ABCC11: variants seen among roughly 807,000 people sequenced by gnomAD.
The protein encoded by ABCC11 is ATP-binding cassette sub-family C member 11.
ABCC11 carries 135 observed loss-of-function variants against 149.3 expected under a neutral mutation model. The observed-to-expected ratio is 0.90, with a 90% CI of 0.79 to 1.04. The LOEUF is 1.04. ABCC11 is among the 50% of genes least tolerant of loss of function. The pLI is 0.00. For missense variants in ABCC11, 1,680 were observed against 1,722.1 expected (o/e 0.98, Z 0.43); for synonymous variants, 665 against 671.4 (o/e 0.99, Z 0.15).
At chr16:48,246,359 T>C (rs1971386294) in intron 1 of ABCC11, among the ~76,000 whole-genome samples, 2 of 152,224 alleles carry the variant, frequency 1.3e-5, no homozygotes, top group African/African-American at 4.8e-5. Context: ...TGCTTACTTT[T>C]CCCAAATTAT....
In ABCC11 at chr16:48,213,557, A is replaced by G; in HGVS notation, c.1249-7T>C. The G allele has an allele frequency of 6.2e-7, 1 of 1,604,698 alleles. No homozygotes were observed. The highest frequency in any genetic ancestry group is 2.3e-5 in the East Asian group (1 of 44,306). On this transcript the variant is annotated splice_polypyrimidine_tract_variant and splice_region_variant and intron_variant, in intron 9 of 29. Transcript: ENST00000356608. ...AGGCCAGCATGCTGAAGGCCTGGAT[A>G]AGAAGGGGAGGAGGTGGTGAGGGTC... is the stretch of plus-strand genomic sequence containing the variant.
intron 1 of ABCC11, among the ~76,000 whole-genome samples, chr16:48,243,401 CAA>C (rs541776018): frequency 0.015 from 1,125 of 72,762 alleles, 4 homozygotes; most frequent in African/African-American, 0.03. Flanking sequence ...GACTCCGTCT[CAA>C]AAAAAAAAAA....
At chr16:48,210,664 T>C in intron 11 of ABCC11, 1 of 417,078 alleles carries the variant, frequency 2.4e-6, no homozygotes, top group Non-Finnish European at 4.3e-6. Flanking sequence ...TCCTTTCCCT[T>C]CTCCTTTCTG....
intron 13 of ABCC11, among the ~76,000 whole-genome samples, chr16:48,204,536 G>A (rs913223676): frequency 2.0e-5 from 3 of 152,182 alleles, no homozygotes. Context: ...GGGGTGCAAG[G>A]TTTGGGTGAT....
rs200308896 is a variant in ABCC11 at position 48,215,038 on chromosome 16, T to TA, written c.1100-10dup. ...TTCCTTCCTTCTTAGGTCTGGGAAA[T>TA]AAAAAAGAAATACACCAAAGATAAC... On this transcript the variant is annotated splice_polypyrimidine_tract_variant and intron_variant, in intron 8 of 29. Transcript: ENST00000356608. 0.059 allele frequency: 94,584 copies of TA among 1,611,350 alleles called. 3,274 individuals are homozygous for TA. Among genetic ancestry groups the TA allele is most frequent in the Middle Eastern group, 0.13 (792 of 6,048 alleles).
Position 48,213,504 on chromosome 16 carries a change from A to G in ABCC11, c.1295T>C (p.Phe432Ser). The G allele has an allele frequency of 6.2e-7, 1 of 1,611,754 alleles. No homozygotes were observed. Among genetic ancestry groups the G allele is most frequent in the Admixed American group, 1.7e-5 (1 of 59,712 alleles). Residue 432 changes from phenylalanine to serine, a missense_variant, in exon 10 of 30, where the codon TTC (phenylalanine) becomes TCC (serine). Transcript: ENST00000356608. ...ACCTTTGACTGCAATAGGCACAAAGAACACTGACAGCCGAAGGAGATTCAA... is the reference window on the plus strand; with the variant it reads ...ACCTTTGACTGCAATAGGCACAAAGGACACTGACAGCCGAAGGAGATTCAA... ...ASLNLLRLSVFFVPIAVKGLT... is the reference protein window; with the variant it reads ...ASLNLLRLSVSFVPIAVKGLT...
intron 4 of ABCC11, among the ~76,000 whole-genome samples, chr16:48,226,182 T>A (rs1298609631): frequency 1.3e-5 from 2 of 151,848 alleles, no homozygotes; most frequent in African/African-American, 4.8e-5. Flanking sequence ...GTTCAAGCGA[T>A]TCTCTGTGTA....
chr16:48,210,261 C>T (rs1472002699), intron 11 of ABCC11: 14 of 152,078 alleles, frequency 9.2e-5, no homozygotes, highest in Non-Finnish European at 2.1e-4. Context: ...CCAGAAGATA[C>T]TTCAAGGCTA....
At chr16:48,165,184 G>C (rs1265305465), downstream of ABCC11, 1 of 152,572 alleles carries the variant, frequency 6.6e-6, no homozygotes, top group African/African-American at 2.4e-5. Context: ...AGAGGAAGGA[G>C]AGTCACCCTC....
intron 14 of ABCC11, among the ~76,000 whole-genome samples, chr16:48,202,607 A>G (rs1009871657): frequency 6.9e-6 from 1 of 145,034 alleles, no homozygotes; most frequent in Admixed American, 7.1e-5. Flanking sequence ...AGAGAACAAG[A>G]CTCCCCTTCA....
chr16:48,230,295 T>C (rs993564896), intron 3 of ABCC11, 142 bp downstream of exon 3: 5 of 981,796 alleles, frequency 5.1e-6, no homozygotes, highest in Non-Finnish European at 7.0e-6. Flanking sequence ...TGTGCCTCCC[T>C]GGTGTGCCTC....
At position 48,214,653 on chromosome 16, in the gene ABCC11, AC is replaced by A. The variant is rs151154962; in HGVS notation, c.1248+227del. On this transcript the variant is annotated intron_variant, in intron 9 of 29. Transcript: ENST00000356608. ...TAACTACAAGTACCACCTCCCCCAC[AC>A]CCCCGATGGTTCTGCTGTCCAGCCC... 1.5e-3 allele frequency among the ~76,000 whole-genome samples: 224 copies of A among 151,598 alleles called. 2 individuals carry two copies. The highest frequency in any genetic ancestry group is 5.2e-3 in the African/African-American group (216 of 41,292).
chr16:48,231,681 G>C, intron 2 of ABCC11, 142 bp downstream of exon 2: 1 of 1,199,788 alleles, frequency 8.3e-7, no homozygotes, highest in Non-Finnish European at 1.1e-6. Flanking sequence ...AAAAAAGAGA[G>C]AGAGAGAGAG....
chr16:48,202,349 G>A (rs1339379364), intron 14 of ABCC11, among the ~76,000 whole-genome samples: 3 of 152,134 alleles, frequency 2.0e-5, no homozygotes, highest in Non-Finnish European at 4.4e-5. Context: ...AGTAGCTCAT[G>A]CCTGTAATCG....
chr16:48,228,412 T>C (rs112408414), intron 3 of ABCC11, among the ~76,000 whole-genome samples: 19,884 of 151,810 alleles, frequency 0.13, 1,620 homozygotes, highest in African/African-American at 0.23. Context: ...GGGCCAACAT[T>C]GTGAAACCCT....
intron 26 of ABCC11, among the ~76,000 whole-genome samples, chr16:48,173,912 A>G (rs1252441028): frequency 6.6e-6 from 1 of 152,174 alleles, no homozygotes; most frequent in African/African-American, 2.4e-5. Flanking sequence ...GGCATGAACT[A>G]CCATGCCCCA....
chr16:48,207,989 C>T (rs538648475), intron 12 of ABCC11, among the ~76,000 whole-genome samples: 4 of 152,290 alleles, frequency 2.6e-5, no homozygotes, highest in East Asian at 1.9e-4. Context: ...AAGGCACATA[C>T]ATCCCACTCC....
At chr16:48,195,419 C>T (rs573067313) in intron 18 of ABCC11, among the ~76,000 whole-genome samples, 8 of 152,292 alleles carry the variant, frequency 5.3e-5, no homozygotes, top group Admixed American at 1.3e-4. Context: ...GGGGTGGGGA[C>T]GGCGTTCTGT....
chr16:48,212,105 C>A (rs1968977096), intron 10 of ABCC11, among the ~76,000 whole-genome samples: 2 of 152,170 alleles, frequency 1.3e-5, no homozygotes, highest in Admixed American at 6.5e-5. Flanking sequence ...GCAGTAGGAG[C>A]CTTCTCATAG....
Sources: gnomAD v4.1 joint callset for allele counts (sites outside exome capture counted in the v4.1 genomes callset) on GRCh38, gnomAD v4.1.1 for gene constraint, MANE v1.5 for transcripts, NCBI Gene and HGNC (gene_info 2026-07-23, HGNC 2026-07-21) for gene names.